ZFHX3: variants seen among roughly 807,000 people sequenced by gnomAD.
The protein encoded by ZFHX3 is zinc finger homeobox protein 3.
Under a neutral mutation model 279.1 loss-of-function variants are expected in ZFHX3, and 42 were observed. The observed-to-expected ratio is 0.15, with a 90% CI of 0.12 to 0.19. The LOEUF (loss-of-function observed/expected upper bound fraction) is 0.19, where lower values mean the gene tolerates loss of function less well. Among genes scored for constraint, ZFHX3 ranks in the 10% least tolerant of loss-of-function variants. The pLI is 1.00. For missense variants in ZFHX3, 4,981 were observed against 4,754.0 expected, an observed-to-expected ratio of 1.05 and a Z score of -1.40; for synonymous variants, 2,293 against 1,957.8, an observed-to-expected ratio of 1.17 and a Z score of -4.52.
chr16:73,173,687 T>A (rs542420461), intron 5 of ZFHX3, among the ~76,000 whole-genome samples: 2 of 152,266 alleles, frequency 1.3e-5, no homozygotes, highest in East Asian at 3.9e-4. Context: ...CCCATGTGGC[T>A]ACTGTTCTGA....
At chr16:73,358,982 A>C (rs1480112281) in intron 3 of ZFHX3, among the ~76,000 whole-genome samples, 1 of 152,218 alleles carries the variant, frequency 6.6e-6, no homozygotes, top group Admixed American at 6.5e-5. Context: ...CCTGGTCCAT[A>C]ATAAGTATTT....
chr16:73,558,690 T>C (rs1352122384), intron 2 of ZFHX3, among the ~76,000 whole-genome samples: 1 of 146,908 alleles, frequency 6.8e-6, no homozygotes, highest in African/African-American at 2.5e-5. Context: ...CACACGCACA[T>C]ACACAGAAGA....
At chr16:73,717,703 C>T (rs1040913428) in intron 1 of ZFHX3, among the ~76,000 whole-genome samples, 3 of 152,210 alleles carry the variant, frequency 2.0e-5, no homozygotes, top group Middle Eastern at 3.2e-3. Context: ...TTCCTAAACG[C>T]AGCCTTGTTT....
At chr16:73,644,137 T>C (rs1206797915) in intron 2 of ZFHX3, among the ~76,000 whole-genome samples, 2 of 152,118 alleles carry the variant, frequency 1.3e-5, no homozygotes, top group African/African-American at 4.8e-5. Flanking sequence ...TAGGTGGTTC[T>C]GGAATTCTGA....
intron 1 of ZFHX3, among the ~76,000 whole-genome samples, chr16:73,057,546 A>AG (rs1232046222): frequency 6.6e-6 from 1 of 151,286 alleles, no homozygotes; most frequent in East Asian, 1.9e-4. Flanking sequence ...AAAAAAAAAA[A>AG]AAAAGAAGAA....
chr16:73,045,921 T>G (rs903037767), intron 1 of ZFHX3, among the ~76,000 whole-genome samples: 8 of 152,112 alleles, frequency 5.3e-5, no homozygotes, highest in African/African-American at 1.9e-4. Flanking sequence ...AAGTGCTCGC[T>G]TCTGCATCTG....
chr16:73,285,693 C>T (rs1167520826), intron 4 of ZFHX3, among the ~76,000 whole-genome samples: 1 of 152,220 alleles, frequency 6.6e-6, no homozygotes, highest in East Asian at 1.9e-4. Flanking sequence ...GGAGCTTTCA[C>T]ATCTTACTCA....
intron 2 of ZFHX3, chr16:73,499,233 A>C (rs2019193325): frequency 6.6e-6 from 1 of 152,160 alleles, no homozygotes; most frequent in African/African-American, 2.4e-5. Context: ...AGACAATGGA[A>C]GCTGCAGATT....
Position 72,787,482 on chromosome 16 carries a change from A to AGGGGGAGGGGGGG in ZFHX3, c.10793_10794insCCCCCCCTCCCCC (p.Ala3602ProfsTer68). On this transcript the variant is annotated frameshift_variant, in exon 10 of 10. Transcript: ENST00000268489. LOFTEE classifies it high-confidence loss of function. ...AGGAGGGGGCGGCGGCCGACGGGGG[A>AGGGGGAGGGGGGG]GGGGGGCTGTCGTTTGAGTGAGCGG... The AGGGGGAGGGGGGG allele has an allele frequency of 8.8e-7, 1 of 1,139,010 alleles. No individual in the cohort carries two copies. The allele number at this position is 1,139,010 out of a possible 1,614,324, so 70.6% of individuals were successfully genotyped here.
At chr16:73,599,533 G>A (rs1002437470) in intron 2 of ZFHX3, among the ~76,000 whole-genome samples, 1 of 152,176 alleles carries the variant, frequency 6.6e-6, no homozygotes, top group Non-Finnish European at 1.5e-5. Flanking sequence ...TGCCTATGAA[G>A]CTCGACCTGT....
intron 8 of ZFHX3, among the ~76,000 whole-genome samples, chr16:73,072,459 A>G (rs960736843): frequency 6.6e-6 from 1 of 152,208 alleles, no homozygotes; most frequent in South Asian, 2.1e-4. Flanking sequence ...AAAAAAAAAA[A>G]AAAGGAAAAT....
At chr16:73,294,243 G>A (rs901273766) in intron 4 of ZFHX3, 2 of 152,180 alleles carry the variant, frequency 1.3e-5, no homozygotes, top group African/African-American at 2.4e-5. Flanking sequence ...TCCCATTCCT[G>A]GAAGGTGGGT....
At chr16:72,848,870 C>A (rs551569417) in intron 4 of ZFHX3, among the ~76,000 whole-genome samples, 1 of 152,236 alleles carries the variant, frequency 6.6e-6, no homozygotes, top group African/African-American at 2.4e-5. Context: ...CATGCTGCCA[C>A]GGCTGGAGCT....
At position 72,958,357 on chromosome 16, in the gene ZFHX3, T is replaced by C; in HGVS notation, c.1789A>G (p.Lys597Glu). 1 of 1,614,100 alleles carries C rather than the reference T, an allele frequency of 6.2e-7. No homozygotes were observed. Among genetic ancestry groups the C allele is most frequent in the Non-Finnish European group, 8.5e-7 (1 of 1,179,998 alleles). ...RLDFADESAN[K>E]DNATAPEPNE... ...GGTTCTGGTGCTGTGGCATTGTCTT[T>C]ATTGGCACTTTCGTCAGCGAAGTCC... The change falls in exon 2 of 10, where the codon AAA becomes GAA. Residue 597 changes from lysine (K) to glutamate (E), a missense_variant. Lys to Glu is a moderately conservative substitution (Grantham distance 56, BLOSUM62 1). Transcript: ENST00000268489.
chr16:73,680,760 T>C (rs2053001787), intron 1 of ZFHX3, among the ~76,000 whole-genome samples: 1 of 152,230 alleles, frequency 6.6e-6, no homozygotes, highest in African/African-American at 2.4e-5. Flanking sequence ...ATGAAAGTTT[T>C]ATATAAAAAT....
intron 4 of ZFHX3, among the ~76,000 whole-genome samples, chr16:73,297,744 C>G (rs1234077852): frequency 6.6e-6 from 1 of 151,940 alleles, no homozygotes; most frequent in Non-Finnish European, 1.5e-5. Flanking sequence ...ATTACGTGAC[C>G]TTGGGCAAGT....
chr16:73,135,179 C>A (rs1966766827), intron 6 of ZFHX3, among the ~76,000 whole-genome samples: 1 of 152,086 alleles, frequency 6.6e-6, no homozygotes. Flanking sequence ...ATAGCTTATC[C>A]AAGAAATCTT....
chr16:73,195,627 C>T (rs1222442222), intron 5 of ZFHX3, among the ~76,000 whole-genome samples: 1 of 152,018 alleles, frequency 6.6e-6, no homozygotes, highest in Non-Finnish European at 1.5e-5. Context: ...CCATATTGGC[C>T]AGGCTGGTCC....
chr16:73,861,490 G>A (rs990014666), intron 1 of ZFHX3, among the ~76,000 whole-genome samples: 1 of 152,104 alleles, frequency 6.6e-6, no homozygotes, highest in African/African-American at 2.4e-5. Context: ...CATTGAGGAA[G>A]CTCTTCATAC....
Sources: gnomAD v4.1 joint callset for allele counts (sites outside exome capture counted in the v4.1 genomes callset) on GRCh38, gnomAD v4.1.1 for gene constraint, MANE v1.5 for transcripts, NCBI Gene and HGNC (gene_info 2026-07-23, HGNC 2026-07-21) for gene names.